CMSS1: variants seen among roughly 807,000 people sequenced by gnomAD.
CMSS1 encodes cms1 ribosomal small subunit homolog.
A neutral mutation model predicts 43.5 loss-of-function variants in CMSS1; 33 were observed. That is an observed-to-expected ratio of 0.76 (90% CI 0.57 to 1.01). The LOEUF (loss-of-function observed/expected upper bound fraction) is 1.01, where lower values mean the gene tolerates loss of function less well. Among genes scored for constraint, CMSS1 ranks in the 50% least tolerant of loss-of-function variants. CMSS1 has a pLI of 0.00. For missense variants in CMSS1, 313 were observed against 326.4 expected, an observed-to-expected ratio of 0.96 and a Z score of 0.32; for synonymous variants, 115 against 117.2, an observed-to-expected ratio of 0.98 and a Z score of 0.12.
chr3:100,102,015 G>T (rs540440254), intron 1 of CMSS1, among the ~76,000 whole-genome samples: 69 of 151,962 alleles, frequency 4.5e-4, no homozygotes, highest in African/African-American at 9.2e-4. Flanking sequence ...TAATCCAGTC[G>T]ATCATTGTTG....
At chr3:99,970,039 C>T (rs898356614) in intron 1 of CMSS1, among the ~76,000 whole-genome samples, 1 of 152,124 alleles carries the variant, frequency 6.6e-6, no homozygotes, top group Non-Finnish European at 1.5e-5. Flanking sequence ...TAGGCATTGG[C>T]TTAAAATTTG....
intron 1 of CMSS1, among the ~76,000 whole-genome samples, chr3:100,108,515 T>A (rs888576112): frequency 6.6e-6 from 1 of 152,172 alleles, no homozygotes; most frequent in Non-Finnish European, 1.5e-5. Context: ...TCTGGGAAAA[T>A]CTATGCCCTT....
chr3:100,089,760 C>G (rs2107429185), intron 1 of CMSS1, among the ~76,000 whole-genome samples: 1 of 152,310 alleles, frequency 6.6e-6, no homozygotes, highest in South Asian at 2.1e-4. Context: ...AAAGAAGACA[C>G]CCGTGGCTAA....
chr3:100,109,358 C>G (rs953088915), intron 1 of CMSS1, among the ~76,000 whole-genome samples: 11 of 152,100 alleles, frequency 7.2e-5, no homozygotes, highest in Non-Finnish European at 1.2e-4. Flanking sequence ...AAAATTACCT[C>G]TTATATAACG....
intron 1 of CMSS1, among the ~76,000 whole-genome samples, chr3:99,908,453 T>C (rs1460528545): frequency 6.6e-6 from 1 of 152,204 alleles, no homozygotes; most frequent in Non-Finnish European, 1.5e-5. Flanking sequence ...ATTCAGTATG[T>C]TTGGGGTTGG....
intron 1 of CMSS1, among the ~76,000 whole-genome samples, chr3:100,106,759 G>A (rs1338884898): frequency 2.0e-5 from 3 of 152,132 alleles, no homozygotes; most frequent in East Asian, 1.9e-4. Context: ...CACTCAAATT[G>A]TGTCTAACTG....
At position 99,978,815 on chromosome 3, in the gene CMSS1, G is replaced by A. The variant is rs548984012; in HGVS notation, c.64+160772G>A. Among the ~76,000 whole-genome samples, 7 of 152,176 alleles carry A rather than the reference G, an allele frequency of 4.6e-5. No individual in the cohort carries two copies. In the East Asian group the frequency reaches 1.4e-3, roughly 29 times the overall value. Reference sequence around the variant, plus strand: ...CACGAGAGTCACTTGAACCCAGGAGGCGGAGGCTGCAGTGAGCTGAGATTA... The same window carrying A: ...CACGAGAGTCACTTGAACCCAGGAGACGGAGGCTGCAGTGAGCTGAGATTA... On this transcript the variant is annotated intron_variant, in intron 1 of 9. Transcript: ENST00000421999.
intron 1 of CMSS1, among the ~76,000 whole-genome samples, chr3:100,055,811 A>G (rs2065454524): frequency 1.3e-5 from 2 of 152,198 alleles, no homozygotes; most frequent in African/African-American, 4.8e-5. Context: ...AATATTGTAC[A>G]CATTCTTTCT....
intron 1 of CMSS1, among the ~76,000 whole-genome samples, chr3:99,858,124 C>T (rs1207086139): frequency 6.6e-6 from 1 of 152,098 alleles, no homozygotes; most frequent in Non-Finnish European, 1.5e-5. Context: ...AGTGTATGGG[C>T]TGTATCTATC....
intron 1 of CMSS1, among the ~76,000 whole-genome samples, chr3:100,135,430 GTGTGTGCA>G (rs2066743642): frequency 6.9e-6 from 1 of 144,372 alleles, no homozygotes; most frequent in Non-Finnish European, 1.5e-5. Flanking sequence ...GCCTTTGTGT[GTGTGTGCA>G]TGTGTGTGTG....
chr3:99,967,134 T>C (rs2107711696), intron 1 of CMSS1, among the ~76,000 whole-genome samples: 1 of 152,320 alleles, frequency 6.6e-6, no homozygotes, highest in South Asian at 2.1e-4. Flanking sequence ...TCTGAAAAGC[T>C]TGGATTAGGT....
At chr3:99,979,320 C>T (rs1709054819) in intron 1 of CMSS1, among the ~76,000 whole-genome samples, 1 of 152,044 alleles carries the variant, frequency 6.6e-6, no homozygotes, top group Non-Finnish European at 1.5e-5. Context: ...TTTTGGGAAA[C>T]ACTAAAAAGA....
chr3:99,886,752 G>C (rs1355239585), intron 1 of CMSS1, among the ~76,000 whole-genome samples: 1 of 151,744 alleles, frequency 6.6e-6, no homozygotes, highest in African/African-American at 2.4e-5. Flanking sequence ...TTAGGAGTTC[G>C]AGACCAGCTT....
At chr3:99,941,150 T>TTTGCCAAATAATA (rs1707838487) in intron 1 of CMSS1, among the ~76,000 whole-genome samples, 1 of 152,238 alleles carries the variant, frequency 6.6e-6, no homozygotes, top group Non-Finnish European at 1.5e-5. Context: ...AGCTTCTGTT[T>TTTGCCAAATAATA]TTGCCAAATA....
At chr3:99,915,709 T>G (rs1434064931) in intron 1 of CMSS1, among the ~76,000 whole-genome samples, 2 of 152,168 alleles carry the variant, frequency 1.3e-5, no homozygotes, top group African/African-American at 4.8e-5. Context: ...CATTCAGCAA[T>G]TCTCCTACAC....
intron 1 of CMSS1, among the ~76,000 whole-genome samples, chr3:99,933,476 T>C (rs566681754): frequency 6.6e-6 from 1 of 152,282 alleles, no homozygotes; most frequent in South Asian, 2.1e-4. Context: ...TATAAAAATA[T>C]TCATGTACTA....
intron 1 of CMSS1, among the ~76,000 whole-genome samples, chr3:100,114,671 C>T (rs1464234440): frequency 6.6e-6 from 1 of 152,190 alleles, no homozygotes; most frequent in Non-Finnish European, 1.5e-5. Context: ...CAACCTGGGT[C>T]CCATTCTTTG....
intron 1 of CMSS1, among the ~76,000 whole-genome samples, chr3:99,943,561 G>A (rs1412770266): frequency 6.6e-6 from 1 of 152,096 alleles, no homozygotes; most frequent in South Asian, 2.1e-4. Flanking sequence ...AAAATTAGCC[G>A]GGCGTGGTGG....
rs1384286378 is a variant in CMSS1 at position 99,887,211 on chromosome 3, TA to T, written c.64+69169del. 4.0e-5 allele frequency among the ~76,000 whole-genome samples: 6 copies of T among 151,256 alleles called. No individual in the cohort carries two copies. The East Asian group carries it at 1.2e-3, about 29-fold the overall frequency. ...GAACCCAGGAGGAGGAGGTCGCGGT[TA>T]GCCGAGATTGAGCCATTGCACTCCA... is the stretch of plus-strand genomic sequence containing the variant. On this transcript the variant is annotated intron_variant, in intron 1 of 9. Coordinates refer to ENST00000421999, the MANE Select transcript of CMSS1 (RefSeq NM_032359.4).
Sources: gnomAD v4.1 joint callset for allele counts (sites outside exome capture counted in the v4.1 genomes callset) on GRCh38, gnomAD v4.1.1 for gene constraint, MANE v1.5 for transcripts, NCBI Gene and HGNC (gene_info 2026-07-23, HGNC 2026-07-21) for gene names.